Variants in ROR1 observed in about 807,000 individuals in gnomAD.
ROR1 encodes ROR family WNT receptor 1.
A neutral mutation model predicts 78.8 loss-of-function variants in ROR1; 19 were observed. That is an observed-to-expected ratio of 0.24 (90% CI 0.17 to 0.35). The LOEUF (loss-of-function observed/expected upper bound fraction) is 0.35. ROR1 is among the 10% of genes least tolerant of loss of function. The pLI is 1.00. For missense variants in ROR1, 917 were observed against 1,177.8 expected (o/e 0.78, Z 3.24); for synonymous variants, 386 against 433.6 (o/e 0.89, Z 1.36).
intron 4 of ROR1, among the ~76,000 whole-genome samples, chr1:64,090,334 C>T (rs1298006867): frequency 6.6e-6 from 1 of 152,102 alleles, no homozygotes; most frequent in Admixed American, 6.5e-5. Flanking sequence ...TTAAGAAAAG[C>T]AGAGGATCTC....
chr1:64,028,823 T>A (rs1452766894), intron 2 of ROR1: 1 of 152,206 alleles, frequency 6.6e-6, no homozygotes, highest in African/African-American at 2.4e-5. Context: ...TTATTTAAAA[T>A]GTACAGTTAA....
In ROR1 at chr1:63,938,323, C is replaced by A. The variant is rs757374410; in HGVS notation, c.92-70982C>A. The stretch of plus-strand genomic sequence containing the variant: ...GCATAGGTTATATGCAAATACTAAG[C>A]CATTTTATATCACGGTCTTGAGCAT... On this transcript the variant is annotated intron_variant, in intron 1 of 8. Coordinates refer to ENST00000371079, the MANE Select transcript of ROR1 (RefSeq NM_005012.4). Among the ~76,000 whole-genome samples, 27 of 152,054 alleles carry A rather than the reference C, an allele frequency of 1.8e-4. 1 individual carries two copies. Among genetic ancestry groups the A allele is most frequent in the Non-Finnish European group, 2.9e-4 (20 of 68,020 alleles).
rs1015011482 is a variant in ROR1, at chr1:64,179,535, T to G, written c.*680T>G. On this transcript the variant is annotated 3_prime_UTR_variant, in exon 9 of 9. Coordinates refer to ENST00000371079, the MANE Select transcript of ROR1 (RefSeq NM_005012.4). The stretch of plus-strand genomic sequence containing the variant: ...GGGTCTTTCCCACAGTTTCTCACAG[T>G]GTGTTTACACTGCCCTTGGAATAAC... 1 of 152,338 alleles carries G rather than the reference T, an allele frequency of 6.6e-6. No individual in the cohort carries two copies. 9.4% of individuals were successfully genotyped at this position (152,338 alleles called of 1,614,324 possible).
At chr1:64,007,080 G>T (rs1210890383) in intron 1 of ROR1, among the ~76,000 whole-genome samples, 2 of 152,006 alleles carry the variant, frequency 1.3e-5, no homozygotes, top group Non-Finnish European at 2.9e-5. Context: ...AGCATGGGCT[G>T]CCAGAAGGTG....
intron 4 of ROR1, among the ~76,000 whole-genome samples, chr1:64,059,875 A>G (rs1197874538): frequency 6.6e-6 from 1 of 152,188 alleles, no homozygotes; most frequent in Non-Finnish European, 1.5e-5. Flanking sequence ...AGGAGGTCCA[A>G]ATTCATCCTG....
At chr1:64,162,742 A>G (rs1649980687) in intron 8 of ROR1, among the ~76,000 whole-genome samples, 1 of 152,128 alleles carries the variant, frequency 6.6e-6, no homozygotes, top group South Asian at 2.1e-4. Context: ...ACTAAGCAGG[A>G]TTTTCTATAT....
intron 4 of ROR1, among the ~76,000 whole-genome samples, chr1:64,088,593 C>T (rs1020945276): frequency 2.5e-4 from 19 of 77,100 alleles, no homozygotes; most frequent in African/African-American, 8.9e-4. Flanking sequence ...ATGCATGGGG[C>T]GGGGGGGTCG....
At chr1:64,037,162 T>A (rs1045236836) in intron 2 of ROR1, among the ~76,000 whole-genome samples, 2 of 152,144 alleles carry the variant, frequency 1.3e-5, no homozygotes, top group African/African-American at 4.8e-5. Flanking sequence ...TCCTGCCACA[T>A]GCAAGAAAGA....
At chr1:63,829,507 G>A (rs1157172114) in intron 1 of ROR1, among the ~76,000 whole-genome samples, 2 of 152,190 alleles carry the variant, frequency 1.3e-5, no homozygotes, top group African/African-American at 4.8e-5. Flanking sequence ...TAGAAGCTGA[G>A]ATCTGGGGAT....
intron 8 of ROR1, among the ~76,000 whole-genome samples, chr1:64,176,664 A>G (rs530112744): frequency 6.6e-6 from 1 of 152,304 alleles, no homozygotes; most frequent in Non-Finnish European, 1.5e-5. Context: ...AAATGACCAT[A>G]GTGGTCAGGG....
intron 4 of ROR1, among the ~76,000 whole-genome samples, chr1:64,079,038 T>G (rs920535986): frequency 6.6e-6 from 1 of 151,906 alleles, no homozygotes. Flanking sequence ...TTGATTAGAG[T>G]GGCGAAAGGT....
chr1:64,008,053 G>A (rs1488175241), intron 1 of ROR1, among the ~76,000 whole-genome samples: 5 of 149,660 alleles, frequency 3.3e-5, no homozygotes, highest in Admixed American at 2.7e-4. Flanking sequence ...CCTGAGGTTT[G>A]GGCTTCCATT....
At chr1:64,006,852 C>T (rs970098500) in intron 1 of ROR1, among the ~76,000 whole-genome samples, 1 of 152,150 alleles carries the variant, frequency 6.6e-6, no homozygotes, top group African/African-American at 2.4e-5. Flanking sequence ...TCTGCTGTGG[C>T]AGGGAGATAA....
intron 1 of ROR1, among the ~76,000 whole-genome samples, chr1:63,956,380 C>T (rs1290731035): frequency 2.0e-5 from 3 of 152,176 alleles, no homozygotes; most frequent in African/African-American, 7.2e-5. Context: ...TGGATGGAAC[C>T]AGTGGCCCCA....
intron 2 of ROR1, among the ~76,000 whole-genome samples, chr1:64,016,184 C>T (rs2100551207): frequency 6.6e-6 from 1 of 152,214 alleles, no homozygotes; most frequent in Admixed American, 6.5e-5. Flanking sequence ...AGGCATCAAT[C>T]CTTGTTCTGG....
At chr1:64,089,428 C>T (rs1420868956) in intron 4 of ROR1, among the ~76,000 whole-genome samples, 2 of 152,120 alleles carry the variant, frequency 1.3e-5, no homozygotes, top group Non-Finnish European at 2.9e-5. Context: ...CCAAGCTGGC[C>T]TTGAACTCCT....
chr1:63,823,992 C>A (rs1394357287), intron 1 of ROR1, among the ~76,000 whole-genome samples: 1 of 152,142 alleles, frequency 6.6e-6, no homozygotes, highest in African/African-American at 2.4e-5. Context: ...AGGTGATCCA[C>A]CCACCTCGGC....
intron 1 of ROR1, among the ~76,000 whole-genome samples, chr1:63,834,774 A>G (rs571085209): frequency 6.6e-6 from 1 of 152,098 alleles, no homozygotes; most frequent in African/African-American, 2.4e-5. Flanking sequence ...CAAGTGGACT[A>G]CTGTTCCAAG....
At chr1:64,058,564 C>G (rs772434328) in intron 4 of ROR1, among the ~76,000 whole-genome samples, 1 of 147,858 alleles carries the variant, frequency 6.8e-6, no homozygotes, top group Non-Finnish European at 1.5e-5. Context: ...TTCTCAAGTG[C>G]TCTTTGTGTG....
Sources: allele counts gnomAD v4.1 joint callset (sites outside exome capture counted in the v4.1 genomes callset), GRCh38; gene constraint gnomAD v4.1.1; transcripts MANE v1.5; gene names NCBI Gene and HGNC (gene_info 2026-07-23, HGNC 2026-07-21).